The following GMCL1 variants were observed in gnomAD, a reference collection of about 807,000 sequenced individuals.
GMCL1 encodes the protein germ cell-less 1, spermatogenesis associated.
GMCL1 carries 54 observed loss-of-function variants against 75.5 expected under a neutral mutation model. The observed-to-expected ratio is 0.71, with a 90% CI of 0.57 to 0.90. GMCL1 has a LOEUF of 0.90. GMCL1 is among the 40% of genes least tolerant of loss of function. The pLI is 0.00. For missense variants in GMCL1, 537 were observed against 622.7 expected (o/e 0.86, Z 1.47); for synonymous variants, 210 against 209.6 (o/e 1.00, Z -0.02).
intron 6 of GMCL1, among the ~76,000 whole-genome samples, chr2:69,847,319 A>C (rs890952431): frequency 2.0e-5 from 3 of 152,202 alleles, no homozygotes; most frequent in Non-Finnish European, 4.4e-5. Context: ...CACTATCTGA[A>C]TTAAAAGTAT....
rs1280505957 is a variant in GMCL1, at chr2:69,881,196, T to A, written c.*2192T>A. The A allele has an allele frequency of 6.6e-6, 1 of 152,238 alleles. No homozygotes were observed. Among genetic ancestry groups the A allele is most frequent in the Non-Finnish European group, 1.5e-5 (1 of 68,046 alleles). The allele number at this position is 152,238 out of a possible 1,614,324, so 9.4% of individuals were successfully genotyped here. A position where few individuals can be genotyped will look rare whatever the true frequency, so the allele number is the denominator to read the frequency against. On this transcript the variant is annotated 3_prime_UTR_variant, in exon 14 of 14. Coordinates refer to ENST00000282570, the MANE Select transcript of GMCL1 (RefSeq NM_178439.5). ...TGTCATCCATAGACAGGATAATTCT[T>A]TCTTCAATCACAAGTAGGTTAATGT...
chr2:69,873,371 C>T (rs1292409958), intron 13 of GMCL1, among the ~76,000 whole-genome samples: 2 of 151,938 alleles, frequency 1.3e-5, no homozygotes, highest in Non-Finnish European at 1.5e-5. Context: ...TAGATGTTGT[C>T]GAAAAAATAG....
rs746051258 is a variant in GMCL1 at position 69,864,915 on chromosome 2, T to G, written c.1158T>G (p.Asn386Lys). ...QDSEVGPQEI[N>K]KEELEGNSMR... ...ATATTTTTAGGCCTCAAGAAATCAA[T>G]AAAGAAGAACTAGAGGGAAACAGCA... The change falls in exon 11 of 14, where the codon AAT (asparagine) becomes AAG (lysine). Residue 386 changes from asparagine to lysine, a missense_variant. This residue lies in a region of GMCL1 where 345 missense variants were observed against 410.5 expected (regional missense o/e 0.84). Transcript: ENST00000282570. 1.9e-6 allele frequency: 3 copies of G among 1,611,912 alleles called. No homozygotes were observed. The highest frequency in any genetic ancestry group is 1.7e-6 in the Non-Finnish European group (2 of 1,178,288).
At position 69,871,651 on chromosome 2, in the gene GMCL1, CAG is replaced by C. The variant is rs529193849; in HGVS notation, c.1365-91_1365-90del. The C allele has an allele frequency of 1.6e-3, 1,011 of 648,716 alleles. 7 individuals are homozygous for C. Among genetic ancestry groups the C allele is most frequent in the African/African-American group, 0.014 (768 of 53,622 alleles). The allele number at this position is 648,716 out of a possible 1,614,324, so 40.2% of individuals were successfully genotyped here. On this transcript the variant is annotated intron_variant, in intron 12 of 13. Transcript: ENST00000282570. ...TAAAAGTCTTTTATCAAATAAAAAACAGAGGAAAAAGTAAATATGAAAGTAAG... is the reference window on the plus strand; with the variant it reads ...TAAAAGTCTTTTATCAAATAAAAAACAGGAAAAAGTAAATATGAAAGTAAG...
chr2:69,849,257 C>A (rs573887627), intron 7 of GMCL1, among the ~76,000 whole-genome samples: 4 of 152,136 alleles, frequency 2.6e-5, no homozygotes, highest in Admixed American at 6.5e-5. Context: ...TGCACCTCGA[C>A]CTCTAGGGCT....
intron 13 of GMCL1, among the ~76,000 whole-genome samples, chr2:69,874,529 G>T (rs1264060389): frequency 6.6e-6 from 1 of 150,666 alleles, no homozygotes; most frequent in African/African-American, 2.4e-5. Context: ...GATTACAGGT[G>T]TGAGCCACCG....
chr2:69,843,996 A>G (rs1482575727), intron 5 of GMCL1, 135 bp from the exon 6 acceptor site: 1 of 456,466 alleles, frequency 2.2e-6, no homozygotes, highest in East Asian at 3.6e-5. Context: ...AATAATACTA[A>G]ATTTCCTATT....
intron 13 of GMCL1, among the ~76,000 whole-genome samples, chr2:69,875,039 CCAAA>C (rs373263960): frequency 1.8e-3 from 279 of 152,254 alleles, no homozygotes; most frequent in African/African-American, 6.2e-3. Context: ...GCCACCAGGC[CCAAA>C]CAGTTTTTAC....
In GMCL1 at chr2:69,844,131, G is replaced by T; in HGVS notation, c.693G>T (p.Lys231Asn). Residue 231 changes from lysine to asparagine, a missense_variant and splice_region_variant, in exon 6 of 14, where the codon AAG (lysine) becomes AAT (asparagine). Physicochemically the swap from Lys to Asn is moderately conservative, Grantham distance 94 (BLOSUM62 0). Coordinates refer to ENST00000282570, the MANE Select transcript of GMCL1 (RefSeq NM_178439.5). The stretch of plus-strand genomic sequence containing the variant: ...TAATAATTATATATTTTAATTTCAG[G>T]TGCCTTGAATGGCTTCTAAACAATT... ...GTYGLDSVKK[K>N]CLEWLLNNLM... is the part of the protein sequence containing the mutation. 3 of 1,510,774 alleles carry T rather than the reference G, an allele frequency of 2.0e-6. No homozygotes were observed. The highest frequency in any genetic ancestry group is 2.7e-6 in the Non-Finnish European group (3 of 1,111,226). 93.6% of individuals were successfully genotyped at this position (1,510,774 alleles called of 1,614,324 possible). A position where few individuals can be genotyped will look rare whatever the true frequency, so the allele number is the denominator to read the frequency against.
chr2:69,841,278 A>G (rs1459987637), intron 4 of GMCL1, among the ~76,000 whole-genome samples: 5 of 151,932 alleles, frequency 3.3e-5, no homozygotes, highest in African/African-American at 4.8e-5. Flanking sequence ...TAGATATCTT[A>G]GTATGACTAT....
intron 11 of GMCL1, 91 bp downstream of exon 11, chr2:69,865,066 T>C: frequency 1.1e-6 from 1 of 942,406 alleles, no homozygotes; most frequent in Non-Finnish European, 1.7e-6. Context: ...ACACCTGTCA[T>C]ACCTCAGAAG....
intron 9 of GMCL1, among the ~76,000 whole-genome samples, 173 bp downstream of exon 9, chr2:69,855,133 ATGAG>A (rs1419785446): frequency 6.6e-6 from 1 of 152,178 alleles, no homozygotes; most frequent in Non-Finnish European, 1.5e-5. Flanking sequence ...CTTACATATC[ATGAG>A]TATTTTCCCA....
At chr2:69,863,333 G>A (rs1022860091) in intron 10 of GMCL1, among the ~76,000 whole-genome samples, 27 of 152,192 alleles carry the variant, frequency 1.8e-4, no homozygotes, top group African/African-American at 6.5e-4. Flanking sequence ...CTTAGGAAAT[G>A]TTCTGTTCAG....
chr2:69,851,816 T>A (rs1236401176), intron 8 of GMCL1, among the ~76,000 whole-genome samples: 3 of 152,166 alleles, frequency 2.0e-5, no homozygotes, highest in African/African-American at 7.2e-5. Context: ...GTTTTAAAAT[T>A]TCATGCTCTT....
intron 8 of GMCL1, among the ~76,000 whole-genome samples, chr2:69,854,168 G>T (rs1340705910): frequency 1.4e-5 from 2 of 147,440 alleles, no homozygotes; most frequent in African/African-American, 5.0e-5. Context: ...ACTTATTTTA[G>T]AGACAAGTTC....
At chr2:69,834,749 C>A (rs1674773500) in intron 1 of GMCL1, among the ~76,000 whole-genome samples, 2 of 152,152 alleles carry the variant, frequency 1.3e-5, no homozygotes, top group South Asian at 4.1e-4. Context: ...GACTCATATA[C>A]TACCTTAGTT....
At chr2:69,871,941 A>T (rs1292811615) in intron 13 of GMCL1, 109 bp downstream of exon 13, 2 of 722,592 alleles carry the variant, frequency 2.8e-6, no homozygotes, top group Non-Finnish European at 4.5e-6. Flanking sequence ...TTGACCTAAA[A>T]GTTGGTTTAA....
At chr2:69,855,662 A>T (rs1020097592) in intron 9 of GMCL1, among the ~76,000 whole-genome samples, 2 of 152,168 alleles carry the variant, frequency 1.3e-5, no homozygotes, top group Admixed American at 1.3e-4. Context: ...ATTGAAGGGA[A>T]GGAAAACTTA....
At chr2:69,839,666 C>A in intron 3 of GMCL1, 113 bp downstream of exon 3, 1 of 624,094 alleles carries the variant, frequency 1.6e-6, no homozygotes, top group Non-Finnish European at 2.9e-6. Flanking sequence ...CTCCTTTTAT[C>A]ACCTCAAGGT....
Sources: allele counts gnomAD v4.1 joint callset (sites outside exome capture counted in the v4.1 genomes callset), GRCh38; gene constraint gnomAD v4.1.1; regional missense constraint gnomAD v4.1.1; transcripts MANE v1.5; gene names NCBI Gene and HGNC (gene_info 2026-07-23, HGNC 2026-07-21).